The following AOPEP variants were observed in gnomAD, a reference collection of about 807,000 sequenced individuals.
AOPEP encodes the protein aminopeptidase O.
In AOPEP, 77 loss-of-function variants were observed where a neutral mutation model predicts 98.1. The ratio of observed to expected loss-of-function variants is 0.78; its 90% CI spans 0.65 to 0.95. The LOEUF (loss-of-function observed/expected upper bound fraction) is 0.95, where lower values mean the gene tolerates loss of function less well. Among genes scored for constraint, AOPEP ranks in the 40% least tolerant of loss-of-function variants. AOPEP has a pLI of 0.00. For synonymous variants in AOPEP, 346 were observed against 365.3 expected, an observed-to-expected ratio of 0.95 and a Z score of 0.60; for missense variants, 1,024 against 1,024.7, an observed-to-expected ratio of 1.00 and a Z score of 0.01.
At chr9:94,768,844 C>G (rs1461771114) in intron 2 of AOPEP, among the ~76,000 whole-genome samples, 1 of 152,196 alleles carries the variant, frequency 6.6e-6, no homozygotes, top group Non-Finnish European at 1.5e-5. Flanking sequence ...ATTACTCGAT[C>G]TAGAAATAAT....
the AOPEP span, among the ~76,000 whole-genome samples, chr9:95,130,299 TGAGA>T: frequency 0.021 from 3,166 of 149,204 alleles, 51 homozygotes; most frequent in Non-Finnish European, 0.032. Flanking sequence ...TGTGTGTGTG[TGAGA>T]GAGAGAGAGA....
chr9:95,110,389 A>G, the AOPEP span: 31 of 1,024,074 alleles, frequency 3.0e-5, no homozygotes, highest in Admixed American at 1.0e-3. Flanking sequence ...TGCCCCGTAC[A>G]TCTTATTACT....
chr9:95,070,270 G>A (rs1387302992), intron 14 of AOPEP, among the ~76,000 whole-genome samples: 1 of 152,220 alleles, frequency 6.6e-6, no homozygotes. Context: ...GACACAAATT[G>A]ACAAAGCAGG....
chr9:95,128,607 C>T, the AOPEP span, among the ~76,000 whole-genome samples: 1 of 152,160 alleles, frequency 6.6e-6, no homozygotes, highest in African/African-American at 2.4e-5. Flanking sequence ...GAAGACAGCT[C>T]TTACTCAGTT....
intron 13 of AOPEP, among the ~76,000 whole-genome samples, chr9:95,042,313 AAAATAAATAAATAAAT>A (rs71366272): frequency 4.8e-5 from 7 of 145,502 alleles, no homozygotes; most frequent in Admixed American, 2.0e-4. Flanking sequence ...CTCTGTCTCA[AAAATAAATAAATAAAT>A]AAATAAATAA....
At chr9:94,747,766 G>A (rs1443897171) in intron 1 of AOPEP, among the ~76,000 whole-genome samples, 1 of 152,148 alleles carries the variant, frequency 6.6e-6, no homozygotes, top group Non-Finnish European at 1.5e-5. Context: ...TGAGCTGAAA[G>A]AAGAGTGCTG....
rs1192232080 is a variant in AOPEP at position 95,013,401 on chromosome 9, T to G, written c.2115+7785T>G. On this transcript the variant is annotated intron_variant, in intron 13 of 16. Transcript: ENST00000375315. Reference sequence around the variant, plus strand: ...ATTTTCCATCATATAACTTGAAATATTATCCTTTTTTTTTTTTTTACTTCC... The same window carrying G: ...ATTTTCCATCATATAACTTGAAATAGTATCCTTTTTTTTTTTTTTACTTCC... Among the ~76,000 whole-genome samples the G allele has an allele frequency of 4.8e-5, 5 of 104,032 alleles. No individual in the cohort carries two copies. The South Asian group carries it at 9.6e-4, about 20-fold the overall frequency. The allele number at this position is 104,032 out of a possible 152,430, so 68.2% of individuals were successfully genotyped here.
intron 7 of AOPEP, among the ~76,000 whole-genome samples, chr9:94,933,979 A>G (rs1263093193): frequency 6.6e-6 from 1 of 152,042 alleles, no homozygotes; most frequent in Non-Finnish European, 1.5e-5. Context: ...TGATCTCCTG[A>G]CCTTGTGATC....
Position 94,841,238 on chromosome 9 carries a change from C to A in AOPEP, c.1364+40236C>A, listed in dbSNP as rs1384309588. 2.0e-5 allele frequency among the ~76,000 whole-genome samples: 3 copies of A among 148,732 alleles called. No individual in the cohort carries two copies. In the East Asian group the frequency reaches 6.0e-4, roughly 30 times the overall value. ...CCAGGCTAGATTGCAATGGTGCGAT[C>A]TCAGCTTACTGCAGGCTCCCCCTCC... is the stretch of plus-strand genomic sequence containing the variant. On this transcript the variant is annotated intron_variant, in intron 5 of 16. Coordinates refer to ENST00000375315, the MANE Select transcript of AOPEP (RefSeq NM_001193329.3).
intron 5 of AOPEP, among the ~76,000 whole-genome samples, chr9:94,824,021 G>A (rs530133141): frequency 2.0e-5 from 3 of 152,246 alleles, no homozygotes; most frequent in South Asian, 4.1e-4. Context: ...AATAGGAATC[G>A]CAGTGGTGAT....
At chr9:95,051,683 T>A (rs2066378492) in intron 13 of AOPEP, among the ~76,000 whole-genome samples, 1 of 151,956 alleles carries the variant, frequency 6.6e-6, no homozygotes, top group African/African-American at 2.4e-5. Context: ...ACCAGATCTG[T>A]ACTGTAAAGA....
chr9:95,012,556 G>T (rs1403274569), intron 13 of AOPEP, among the ~76,000 whole-genome samples: 1 of 152,144 alleles, frequency 6.6e-6, no homozygotes, highest in African/African-American at 2.4e-5. Context: ...TTGTGCCTGG[G>T]TCTCATATGG....
rs1481084166 is a variant in AOPEP at position 94,833,900 on chromosome 9, T to TA, written c.1364+32899dup. Among the ~76,000 whole-genome samples, 3 of 150,058 alleles carry TA rather than the reference T, an allele frequency of 2.0e-5. No individual in the cohort carries two copies. In the East Asian group the frequency reaches 5.8e-4, roughly 29 times the overall value. On this transcript the variant is annotated intron_variant, in intron 5 of 16. Coordinates refer to ENST00000375315, the MANE Select transcript of AOPEP (RefSeq NM_001193329.3). ...TTAAGTAATGGTAGAATGAGAGTATTATTTTTTGCAACTCGTAAATCATTA... is the reference window on the plus strand; with the variant it reads ...TTAAGTAATGGTAGAATGAGAGTATTAATTTTTTGCAACTCGTAAATCATTA...
intron 5 of AOPEP, among the ~76,000 whole-genome samples, chr9:94,859,060 A>G (rs975844516): frequency 6.8e-6 from 1 of 147,018 alleles, no homozygotes. Context: ...TGGAGGTTGC[A>G]GTGAGCTGAC....
chr9:94,800,683 C>T (rs1848020885), intron 4 of AOPEP, 74 bp from the exon 5 acceptor site: 4 of 1,535,412 alleles, frequency 2.6e-6, no homozygotes, highest in South Asian at 1.2e-5. Flanking sequence ...AAGTTGTCTA[C>T]ATCTGCAAGA....
At chr9:95,042,500 G>C (rs2065425367) in intron 13 of AOPEP, among the ~76,000 whole-genome samples, 1 of 152,094 alleles carries the variant, frequency 6.6e-6, no homozygotes, top group Admixed American at 6.5e-5. Context: ...AAATATTGTG[G>C]CTTAAAACAA....
chr9:94,729,887 G>C (rs1301232951), intron 1 of AOPEP, among the ~76,000 whole-genome samples: 18 of 152,168 alleles, frequency 1.2e-4, no homozygotes. Flanking sequence ...GATGAAAAAA[G>C]AAAGAGCTGG....
intron 13 of AOPEP, among the ~76,000 whole-genome samples, chr9:95,042,224 G>C (rs890621365): frequency 6.6e-6 from 1 of 151,286 alleles, no homozygotes. Flanking sequence ...AGGCAGGAGA[G>C]TGGCATGAAC....
At chr9:95,017,315 G>C (rs1375265437) in intron 13 of AOPEP, among the ~76,000 whole-genome samples, 1 of 152,118 alleles carries the variant, frequency 6.6e-6, no homozygotes, top group Admixed American at 6.5e-5. Flanking sequence ...AGTATACTTA[G>C]ACAAACCTAG....
Sources: gnomAD v4.1 joint callset for allele counts (sites outside exome capture counted in the v4.1 genomes callset) on GRCh38, gnomAD v4.1.1 for gene constraint, MANE v1.5 for transcripts, NCBI Gene and HGNC (gene_info 2026-07-23, HGNC 2026-07-21) for gene names.